The following CYP4V2 variants were observed in gnomAD, a reference collection of about 807,000 sequenced individuals.
CYP4V2 encodes the protein cytochrome P450 family 4 subfamily V member 2.
In CYP4V2, 55 loss-of-function variants were observed where a neutral mutation model predicts 60.8. That is an observed-to-expected ratio of 0.90 (90% confidence interval 0.73 to 1.13). The LOEUF (loss-of-function observed/expected upper bound fraction) is 1.13, where lower values mean the gene tolerates loss of function less well. Ranked by LOEUF, CYP4V2 falls within the 50% of genes most tolerant of loss-of-function variation. CYP4V2 has a pLI of 0.00. For missense variants in CYP4V2, 675 were observed against 662.9 expected, an observed-to-expected ratio of 1.02 and a Z score of -0.20; for synonymous variants, 239 against 236.8, an observed-to-expected ratio of 1.01 and a Z score of -0.08.
Position 186,212,181 on chromosome 4 carries a change from T to G in CYP4V2, c.*1540T>G, listed in dbSNP as rs1327775893. The G allele has an allele frequency of 6.6e-6, 1 of 152,174 alleles. No homozygotes were observed. Among genetic ancestry groups the G allele is most frequent in the Admixed American group, 6.5e-5 (1 of 15,280 alleles). The allele number at this position is 152,174 out of a possible 1,614,324, so 9.4% of individuals were successfully genotyped here. A position where few individuals can be genotyped will look rare whatever the true frequency, so the allele number is the denominator to read the frequency against. On this transcript the variant is annotated 3_prime_UTR_variant, in exon 11 of 11. Transcript: ENST00000378802. ...CTCTCCACTCACATGCTGATATACTTTCTACTACAATATGCTATAGCTTTA... is the reference window on the plus strand; with the variant it reads ...CTCTCCACTCACATGCTGATATACTGTCTACTACAATATGCTATAGCTTTA...
chr4:186,205,020 G>A (rs1052479053), intron 7 of CYP4V2, 180 bp from the exon 8 acceptor site: 4 of 674,464 alleles, frequency 5.9e-6, no homozygotes, highest in African/African-American at 3.6e-5. Flanking sequence ...ATGAACCTCC[G>A]CTTTGCAGGC....
At chr4:186,198,787 G>C (rs1472413719) in intron 5 of CYP4V2, among the ~76,000 whole-genome samples, 170 bp from the exon 6 acceptor site, 1 of 152,138 alleles carries the variant, frequency 6.6e-6, no homozygotes, top group African/African-American at 2.4e-5. Context: ...CATGGGATGC[G>C]TAATAGCCCA....
At chr4:186,200,534 CAT>C (rs1287485566) in intron 6 of CYP4V2, among the ~76,000 whole-genome samples, 1 of 152,092 alleles carries the variant, frequency 6.6e-6, no homozygotes, top group African/African-American at 2.4e-5. Context: ...AGAAGTATCA[CAT>C]AATGTCAGGT....
Position 186,192,012 on chromosome 4 carries a change from G to A in CYP4V2, c.189G>A (p.Ala63=), listed in dbSNP as rs1194791521. The A allele has an allele frequency of 1.9e-6, 3 of 1,582,874 alleles. No homozygotes were observed. The highest frequency in any genetic ancestry group is 2.6e-6 in the Non-Finnish European group (3 of 1,169,430). Residue 63 remains alanine, a synonymous_variant, in exon 1 of 11, where the codon GCG becomes GCA. Coordinates refer to ENST00000378802, the MANE Select transcript of CYP4V2 (RefSeq NM_207352.4). Reference sequence around the variant, plus strand: ...GCGCCTACCCACTGGTGGGCCACGCGCTGCTGATGAAGCCGGACGGGCGAG... The same window carrying A: ...GCGCCTACCCACTGGTGGGCCACGCACTGCTGATGAAGCCGGACGGGCGAG... ...VARAYPLVGH[A]LLMKPDGREF...
chr4:186,204,396 A>G (rs1313362513), intron 7 of CYP4V2: 2 of 105,880 alleles, frequency 1.9e-5, no homozygotes, highest in Non-Finnish European at 3.8e-5. Flanking sequence ...ACGCTGGCGT[A>G]AGAGGTGGCG....
intron 7 of CYP4V2, chr4:186,202,972 A>C (rs538790137): frequency 6.6e-6 from 1 of 151,816 alleles, no homozygotes; most frequent in Admixed American, 6.5e-5. Flanking sequence ...ACAGAGGCAC[A>C]CATTCATGTA....
At chr4:186,205,888 G>A (rs1398423634) in intron 8 of CYP4V2, among the ~76,000 whole-genome samples, 1 of 152,144 alleles carries the variant, frequency 6.6e-6, no homozygotes, top group Non-Finnish European at 1.5e-5. Context: ...AAGGCAGGAA[G>A]ACAGGGGAGG....
intron 10 of CYP4V2, 80 bp downstream of exon 10, chr4:186,209,352 A>T: frequency 6.4e-7 from 1 of 1,561,208 alleles, no homozygotes; most frequent in South Asian, 1.1e-5. Context: ...TTGAGATGTG[A>T]TGTGACATTG....
At chr4:186,198,903 C>T in intron 5 of CYP4V2, 54 bp from the exon 6 acceptor site, 1 of 1,612,412 alleles carries the variant, frequency 6.2e-7, no homozygotes, top group Non-Finnish European at 8.5e-7. Flanking sequence ...AAGAAGTGCT[C>T]AAGAAATACA....
rs537126979 is a variant in CYP4V2, at chr4:186,206,192, A to G, written c.1090+890A>G. Among the ~76,000 whole-genome samples the G allele has an allele frequency of 5.9e-5, 9 of 152,204 alleles. No individual in the cohort carries two copies. In the South Asian group the frequency reaches 1.9e-3, roughly 32 times the overall value. The stretch of plus-strand genomic sequence containing the variant: ...CTTTTCTCTGGGTGTGAGTGTGTGC[A>G]CGCACGTGCATGCATGTGTGGTGTG... On this transcript the variant is annotated intron_variant, in intron 8 of 10. Transcript: ENST00000378802.
rs548768896 is a variant in CYP4V2 at position 186,191,733 on chromosome 4, A to T, written c.-91A>T. ...GGAGCGCGCCAGGTCCGCGCGGGGA[A>T]GTGGGCGGTGTGCGGCCGGCACCGC... is the stretch of plus-strand genomic sequence containing the variant. On this transcript the variant is annotated 5_prime_UTR_variant, in exon 1 of 11. It adds an upstream start codon to the 5' untranslated region. Transcript: ENST00000378802. The T allele has an allele frequency of 8.3e-6, 10 of 1,200,608 alleles. No individual in the cohort carries two copies. In the Admixed American group the frequency reaches 1.3e-4, roughly 15 times the overall value. 74.4% of individuals were successfully genotyped at this position (1,200,608 alleles called of 1,614,324 possible).
intron 8 of CYP4V2, among the ~76,000 whole-genome samples, chr4:186,207,860 C>T (rs775883037): frequency 3.9e-5 from 6 of 152,130 alleles, no homozygotes; most frequent in African/African-American, 7.2e-5. Flanking sequence ...TTACCTATTC[C>T]GAGTACTTCC....
chr4:186,201,389 A>G (rs1736303138), intron 7 of CYP4V2, 47 bp downstream of exon 7: 1 of 1,589,534 alleles, frequency 6.3e-7, no homozygotes, highest in African/African-American at 1.3e-5. Context: ...AATTTCAGTT[A>G]TTGTTAGAAT....
rs199476198 is a variant in CYP4V2, at chr4:186,205,232, G to A, written c.1020G>A (p.Trp340Ter). 4 of 1,614,236 alleles carry A rather than the reference G, an allele frequency of 2.5e-6. No homozygotes were observed. In the East Asian group the frequency reaches 8.9e-5, roughly 36 times the overall value. ...GHDTTAAAIN[W>*]SLYLLGSNPE... Reference sequence around the variant, plus strand: ...ATACAACTGCAGCTGCAATAAACTGGTCCTTATACCTGTTGGGTTCTAACC... The same window carrying A: ...ATACAACTGCAGCTGCAATAAACTGATCCTTATACCTGTTGGGTTCTAACC... The change falls in exon 8 of 11, where the codon TGG (tryptophan) becomes TGA (stop). Residue 340 changes from tryptophan (W) to a stop codon, truncating the protein, a stop_gained. Coordinates refer to ENST00000378802, the MANE Select transcript of CYP4V2 (RefSeq NM_207352.4). LOFTEE classifies it high-confidence loss of function.
intron 6 of CYP4V2, among the ~76,000 whole-genome samples, chr4:186,200,459 A>G (rs1019021669): frequency 5.9e-5 from 9 of 152,262 alleles, no homozygotes; most frequent in African/African-American, 2.2e-4. Context: ...TTGAGTTGTA[A>G]GAGAAAGATG....
chr4:186,211,688 C>CACAG lies in CYP4V2; in HGVS notation c.*1050_*1051insGACA, dbSNP rs1561440158. 9.4e-6 allele frequency: 1 copy of CACAG among 106,838 alleles called. No homozygotes were observed. Among genetic ancestry groups the CACAG allele is most frequent in the Non-Finnish European group, 2.0e-5 (1 of 48,962 alleles). The allele number at this position is 106,838 out of a possible 1,614,324, so 6.6% of individuals were successfully genotyped here. A position where few individuals can be genotyped will look rare whatever the true frequency, so the allele number is the denominator to read the frequency against. On this transcript the variant is annotated 3_prime_UTR_variant, in exon 11 of 11. Coordinates refer to ENST00000378802, the MANE Select transcript of CYP4V2 (RefSeq NM_207352.4). ...ATACACACACACACACACACACACA[C>CACAG]ACACACACATACACACATATAATTT...
chr4:186,206,364 A>G (rs1422676073), intron 8 of CYP4V2, among the ~76,000 whole-genome samples: 1 of 152,146 alleles, frequency 6.6e-6, no homozygotes, highest in Middle Eastern at 3.2e-3. Context: ...TCTTCCAAAT[A>G]GGGTAACATT....
In CYP4V2 at chr4:186,212,416, G is replaced by A. The variant is rs577884418; in HGVS notation, c.*1775G>A. On this transcript the variant is annotated 3_prime_UTR_variant, in exon 11 of 11. Coordinates refer to ENST00000378802, the MANE Select transcript of CYP4V2 (RefSeq NM_207352.4). ...TACTTATGAAGGTGATAACTGACAC[G>A]TGTTCACTGAATTTTAATTTGATAG... is the stretch of plus-strand genomic sequence containing the variant. 17 of 152,244 alleles carry A rather than the reference G, an allele frequency of 1.1e-4. No homozygotes were observed. The highest frequency in any genetic ancestry group is 3.9e-4 in the African/African-American group (16 of 41,532). 9.4% of individuals were successfully genotyped at this position (152,244 alleles called of 1,614,324 possible).
At chr4:186,194,391 CAT>C (rs1452433843) in intron 1 of CYP4V2, 107 bp from the exon 2 acceptor site, 3 of 929,202 alleles carry the variant, frequency 3.2e-6, no homozygotes, top group Non-Finnish European at 3.4e-6. Context: ...CTAACAGTAA[CAT>C]ATTACAGAAT....
Sources: gnomAD v4.1 joint callset for allele counts (sites outside exome capture counted in the v4.1 genomes callset) on GRCh38, gnomAD v4.1.1 for gene constraint, MANE v1.5 for transcripts, NCBI Gene and HGNC (gene_info 2026-07-23, HGNC 2026-07-21) for gene names.